ADGB: variants seen among roughly 807,000 people sequenced by gnomAD.
ADGB encodes the protein calpain-7-like protein.
ADGB carries 172 observed loss-of-function variants against 210.5 expected under a neutral mutation model. The observed-to-expected ratio is 0.82, with a 90% CI of 0.72 to 0.93. The LOEUF is 0.93. ADGB is among the 40% of genes least tolerant of loss of function. The pLI, the probability that ADGB is intolerant of heterozygous loss-of-function variation, is 0.00. For missense variants in ADGB, 2,025 were observed against 1,964.8 expected, an observed-to-expected ratio of 1.03 and a Z score of -0.58; for synonymous variants, 658 against 662.7, an observed-to-expected ratio of 0.99 and a Z score of 0.11.
chr6:146,599,303 C>T (rs906754495), intron 1 of ADGB, among the ~76,000 whole-genome samples, 189 bp downstream of exon 1: 2 of 152,198 alleles, frequency 1.3e-5, no homozygotes, highest in African/African-American at 4.8e-5. Flanking sequence ...CTTGTCTTGA[C>T]TCACTTCCTT....
intron 1 of ADGB, among the ~76,000 whole-genome samples, chr6:146,606,564 A>C (rs901039155): frequency 3.3e-5 from 5 of 152,136 alleles, no homozygotes; most frequent in African/African-American, 1.2e-4. Flanking sequence ...AATCCACTTC[A>C]GTTGCTTTAC....
At chr6:146,677,059 C>T (rs929731625) in intron 9 of ADGB, among the ~76,000 whole-genome samples, 3 of 152,178 alleles carry the variant, frequency 2.0e-5, no homozygotes, top group Non-Finnish European at 4.4e-5. Context: ...GGAGCTCTTT[C>T]ATTTTAATTA....
At chr6:146,729,405 C>T (rs1295532357) in intron 20 of ADGB, among the ~76,000 whole-genome samples, 1 of 152,090 alleles carries the variant, frequency 6.6e-6, no homozygotes, top group African/African-American at 2.4e-5. Context: ...AGCAGAAAAG[C>T]CGTCAGGTCA....
In ADGB at chr6:146,762,522, G is replaced by A. The variant is rs189911771; in HGVS notation, c.3551-1379G>A. 2.6e-5 allele frequency among the ~76,000 whole-genome samples: 4 copies of A among 152,070 alleles called. No homozygotes were observed. The East Asian group carries it at 7.7e-4, about 29-fold the overall frequency. On this transcript the variant is annotated intron_variant, in intron 27 of 35. Transcript: ENST00000397944. ...TATCAGCTTCATATCTATTTCTATT[G>A]ACTATTTTCTCAAGTTATGGTCACA...
At chr6:146,721,162 CT>C (rs1435279503) in intron 16 of ADGB, among the ~76,000 whole-genome samples, 3 of 152,188 alleles carry the variant, frequency 2.0e-5, no homozygotes, top group Admixed American at 2.0e-4. Context: ...AGCTCTGCCT[CT>C]CTCTGATATG....
chr6:146,599,059 A>T lies in ADGB; in HGVS notation c.19A>T (p.Lys7Ter). The T allele has an allele frequency of 6.4e-7, 1 of 1,551,646 alleles. No homozygotes were observed. The highest frequency in any genetic ancestry group is 2.4e-5 in the East Asian group (1 of 40,902). ...TTCTGCCATGGCCTCCAAACAAACC[A>T]AAAAGAAAGAGGTGCATCGTATCAA... is the stretch of plus-strand genomic sequence containing the variant. The part of the protein sequence containing the change: MASKQT[K>*]KKEVHRINSA... The change falls in exon 1 of 36, where the codon AAA becomes TAA. Residue 7 changes from lysine to a stop codon, truncating the protein, a stop_gained. Coordinates refer to ENST00000397944, the MANE Select transcript of ADGB (RefSeq NM_024694.4). LOFTEE classifies it high-confidence loss of function.
intron 26 of ADGB, among the ~76,000 whole-genome samples, chr6:146,751,227 A>G (rs565751570): frequency 2.5e-4 from 37 of 149,114 alleles, no homozygotes; most frequent in Non-Finnish European, 4.6e-4. Flanking sequence ...GAGAATATGC[A>G]GTGTTTGGTT....
chr6:146,784,637 A>G lies in ADGB; in HGVS notation c.4055A>G (p.Gln1352Arg), dbSNP rs1381231406. The G allele has an allele frequency of 1.3e-6, 2 of 1,549,058 alleles. No individual in the cohort carries two copies. Among genetic ancestry groups the G allele is most frequent in the Non-Finnish European group, 1.7e-6 (2 of 1,145,966 alleles). ...FEPQISTVHP[Q>R]QEDPNKPYWI... is the part of the protein sequence containing the mutation. ...TATCAGATATCCACTGTTCACCCTC[A>G]ACAAGAAGACCCAAATAAACCCTAC... The change falls in exon 31 of 36, where the codon CAA (glutamine) becomes CGA (arginine). Residue 1352 changes from glutamine (Q) to arginine (R), a missense_variant. Coordinates refer to ENST00000397944, the MANE Select transcript of ADGB (RefSeq NM_024694.4).
chr6:146,733,513 T>C (rs1167207456), intron 21 of ADGB, among the ~76,000 whole-genome samples: 1 of 152,192 alleles, frequency 6.6e-6, no homozygotes, highest in Non-Finnish European at 1.5e-5. Flanking sequence ...CTTAAAAATA[T>C]GGAAGTCACT....
chr6:146,608,320 A>G (rs1780659500), intron 1 of ADGB, among the ~76,000 whole-genome samples: 1 of 151,944 alleles, frequency 6.6e-6, no homozygotes. Flanking sequence ...TTTCTGAAAA[A>G]AGAACTTTTG....
In ADGB at chr6:146,656,873, C is replaced by T; in HGVS notation, c.505C>T (p.Leu169Phe). ...GGGGACTTCAGGGGAACCTCCTCTT[C>T]TCCCCTGGAAGCCCTGGGAACACAT... ...FKGTSGEPPL[L>F]PWKPWEHIYS... Residue 169 changes from leucine (L) to phenylalanine (F), a missense_variant, in exon 5 of 36, where the codon CTC (leucine) becomes TTC (phenylalanine). Coordinates refer to ENST00000397944, the MANE Select transcript of ADGB (RefSeq NM_024694.4). 6.4e-7 allele frequency: 1 copy of T among 1,551,154 alleles called. No individual in the cohort carries two copies. Among genetic ancestry groups the T allele is most frequent in the Non-Finnish European group, 8.7e-7 (1 of 1,146,374 alleles).
At chr6:146,754,785 G>A (rs1657776036) in intron 27 of ADGB, among the ~76,000 whole-genome samples, 1 of 151,926 alleles carries the variant, frequency 6.6e-6, no homozygotes, top group South Asian at 2.1e-4. Flanking sequence ...CCAGTTTCCT[G>A]ATTCAAATCA....
At chr6:146,667,063 T>G (rs1775947325) in intron 7 of ADGB, among the ~76,000 whole-genome samples, 161 bp downstream of exon 7, 1 of 152,006 alleles carries the variant, frequency 6.6e-6, no homozygotes, top group Non-Finnish European at 1.5e-5. Flanking sequence ...CTTGGGAATT[T>G]CAGGGTAAAT....
chr6:146,659,252 G>T (rs1197415395), intron 5 of ADGB, among the ~76,000 whole-genome samples: 2 of 151,958 alleles, frequency 1.3e-5, no homozygotes, highest in Non-Finnish European at 2.9e-5. Context: ...GCAAGTATTT[G>T]GGAAACATGT....
chr6:146,797,920 C>CATAA (rs150096067), intron 33 of ADGB, among the ~76,000 whole-genome samples: 7,029 of 146,098 alleles, frequency 0.048, 561 homozygotes, highest in African/African-American at 0.17. Flanking sequence ...ATTGATAATA[C>CATAA]ATAAATAAAT....
At chr6:146,755,429 TAGTA>T (rs1363358385) in intron 27 of ADGB, among the ~76,000 whole-genome samples, 5 of 152,072 alleles carry the variant, frequency 3.3e-5, no homozygotes, top group African/African-American at 7.2e-5. Context: ...ATTTTCGGGA[TAGTA>T]AGTGAGTTCT....
intron 13 of ADGB, among the ~76,000 whole-genome samples, chr6:146,705,490 A>G (rs983975419): frequency 6.6e-6 from 1 of 152,110 alleles, no homozygotes; most frequent in Non-Finnish European, 1.5e-5. Flanking sequence ...TCATAAAAGG[A>G]TGTTGAATTT....
intron 35 of ADGB, chr6:146,807,444 G>A (rs1165774229): frequency 6.4e-7 from 1 of 1,551,668 alleles, no homozygotes; most frequent in East Asian, 2.4e-5. Context: ...CGACATCCGG[G>A]AAGAGTACAG....
chr6:146,633,224 G>A (rs1052192045), intron 1 of ADGB, among the ~76,000 whole-genome samples: 3 of 152,098 alleles, frequency 2.0e-5, no homozygotes, highest in Non-Finnish European at 4.4e-5. Context: ...AGTATATGCA[G>A]AATCTATTTC....
Sources: gnomAD v4.1 joint callset for allele counts (sites outside exome capture counted in the v4.1 genomes callset) on GRCh38, gnomAD v4.1.1 for gene constraint, MANE v1.5 for transcripts, NCBI Gene and HGNC (gene_info 2026-07-23, HGNC 2026-07-21) for gene names.